TAFA2: variants seen among roughly 807,000 people sequenced by gnomAD.
TAFA2 encodes the protein chemokine-like protein TAFA-2.
In TAFA2, 7 loss-of-function variants were observed where a neutral mutation model predicts 18.8. The ratio of observed to expected loss-of-function variants is 0.37; its 90% confidence interval spans 0.21 to 0.70. TAFA2 has a LOEUF of 0.70. Ranked by LOEUF, TAFA2 falls within the 30% of genes least tolerant of loss-of-function variation. The pLI is 0.53. For synonymous variants in TAFA2, 60 were observed against 54.2 expected (o/e 1.11, Z -0.47); for missense variants, 122 against 158.1 (o/e 0.77, Z 1.23).
Position 61,828,312 on chromosome 12 carries a change from T to A in TAFA2, c.106+39008A>T, listed in dbSNP as rs75621814. Among the ~76,000 whole-genome samples the A allele has an allele frequency of 3.5e-3, 536 of 151,980 alleles. 2 individuals are homozygous for A. The highest frequency in any genetic ancestry group is 0.012 in the African/African-American group (485 of 41,528). ...ATTTTCTGATGACCAAAACGACCAT[T>A]TTGTTACTTGCTGTTTTGTTACAAA... is the stretch of plus-strand genomic sequence containing the variant. On this transcript the variant is annotated intron_variant, in intron 2 of 4. Transcript: ENST00000416284.
chr12:62,198,091 T>C (rs1293597151), intron 1 of TAFA2: 3 of 152,198 alleles, frequency 2.0e-5, no homozygotes, highest in African/African-American at 7.2e-5. Context: ...GGAGCACTTC[T>C]AGCTTTCTAC....
rs570733431 is a variant in TAFA2, at chr12:61,772,500, A to C, written c.107-17476T>G. Among the ~76,000 whole-genome samples, 36 of 152,056 alleles carry C rather than the reference A, an allele frequency of 2.4e-4. 1 individual carries two copies. Among genetic ancestry groups the C allele is most frequent in the African/African-American group, 8.7e-4 (36 of 41,554 alleles). ...TAACTGAATCCAACAGCATTATCAA[A>C]AAGATAATACACCATGATCAAGTGG... On this transcript the variant is annotated intron_variant, in intron 2 of 4. Coordinates refer to ENST00000416284, the MANE Select transcript of TAFA2 (RefSeq NM_178539.5).
rs868824336 is a variant in TAFA2 at position 62,114,826 on chromosome 12, C to T, written c.-2+76433G>A. Among the ~76,000 whole-genome samples, 5 of 152,152 alleles carry T rather than the reference C, an allele frequency of 3.3e-5. 1 individual carries two copies. The South Asian group carries it at 1.0e-3, about 31-fold the overall frequency. ...CCAGGCACATTTATACAAAGTCTCA[C>T]TATTATATTTGTACAGGTTGCTTTT... On this transcript the variant is annotated intron_variant, in intron 1 of 4. Coordinates refer to ENST00000416284, the MANE Select transcript of TAFA2 (RefSeq NM_178539.5).
intron 4 of TAFA2, among the ~76,000 whole-genome samples, chr12:61,734,366 G>C (rs1310902583): frequency 7.8e-6 from 1 of 128,434 alleles, no homozygotes; most frequent in Non-Finnish European, 1.6e-5. Flanking sequence ...GACGGTTGTG[G>C]GGTCGGGGGA....
intron 2 of TAFA2, among the ~76,000 whole-genome samples, chr12:61,844,900 G>GTA (rs375859801): frequency 4.2e-4 from 64 of 151,262 alleles, no homozygotes; most frequent in African/African-American, 8.5e-4. Flanking sequence ...TTGTGTGTGT[G>GTA]TATATATATA....
intron 1 of TAFA2, among the ~76,000 whole-genome samples, chr12:62,157,252 T>A (rs1328620160): frequency 6.6e-6 from 1 of 152,090 alleles, no homozygotes; most frequent in East Asian, 1.9e-4. Context: ...TATCAAAAAA[T>A]GATTTGGGAA....
At chr12:62,243,029 A>G (rs532175676) in intron 1 of TAFA2, among the ~76,000 whole-genome samples, 63 of 152,336 alleles carry the variant, frequency 4.1e-4, no homozygotes, top group Middle Eastern at 3.4e-3. Flanking sequence ...GTGTTTTACC[A>G]AATTGTTTGG....
At chr12:61,823,859 C>T (rs983765) in intron 2 of TAFA2, among the ~76,000 whole-genome samples, 16,778 of 152,066 alleles carry the variant, frequency 0.11, 1,126 homozygotes, top group East Asian at 0.19. Context: ...AGGAACCACA[C>T]ACCAAAAGTC....
At chr12:61,858,690 GA>G (rs1039066471) in intron 2 of TAFA2, among the ~76,000 whole-genome samples, 30 of 145,688 alleles carry the variant, frequency 2.1e-4, no homozygotes, top group East Asian at 1.4e-3. Flanking sequence ...ACTGCTAAGT[GA>G]AAAAAAAAAG....
At chr12:62,147,330 A>ATATATATATATGTGTG (rs1565760157) in intron 1 of TAFA2, among the ~76,000 whole-genome samples, 4 of 20,864 alleles carry the variant, frequency 1.9e-4, no homozygotes, top group Non-Finnish European at 3.8e-4. Context: ...ATGTATGTAT[A>ATATATATATATGTGTG]TATATATATA....
chr12:62,072,893 T>A lies in TAFA2; in HGVS notation c.-2+118366A>T, dbSNP rs577660115. Among the ~76,000 whole-genome samples, 5 of 152,302 alleles carry A rather than the reference T, an allele frequency of 3.3e-5. No homozygotes were observed. In the South Asian group the frequency reaches 8.3e-4, roughly 25 times the overall value. On this transcript the variant is annotated intron_variant, in intron 1 of 4. Transcript: ENST00000416284. ...GATACCCTGATCAACTGAAAAAGTT[T>A]ACTTTAATCCTAGGATGACTTATTC... is the stretch of plus-strand genomic sequence containing the variant.
intron 2 of TAFA2, among the ~76,000 whole-genome samples, chr12:61,818,579 T>C (rs1172929796): frequency 6.6e-6 from 1 of 151,376 alleles, no homozygotes; most frequent in Non-Finnish European, 1.5e-5. Context: ...AGCCCTCCAA[T>C]GGAGCACCAC....
intron 1 of TAFA2, among the ~76,000 whole-genome samples, chr12:62,035,180 T>C (rs904686499): frequency 6.6e-6 from 1 of 152,200 alleles, no homozygotes; most frequent in African/African-American, 2.4e-5. Flanking sequence ...AGATACATTA[T>C]CTTACTTGAT....
chr12:62,130,599 C>T (rs1870642409), intron 1 of TAFA2, among the ~76,000 whole-genome samples: 1 of 151,928 alleles, frequency 6.6e-6, no homozygotes, highest in South Asian at 2.1e-4. Context: ...CTTTTCGTTT[C>T]ACTGGACATT....
At chr12:62,149,230 T>C (rs2062308656) in intron 1 of TAFA2, among the ~76,000 whole-genome samples, 1 of 152,232 alleles carries the variant, frequency 6.6e-6, no homozygotes, top group Non-Finnish European at 1.5e-5. Flanking sequence ...GGATAGGAAT[T>C]GGCTCTCGAG....
chr12:61,984,316 A>G (rs1239416756), intron 1 of TAFA2, among the ~76,000 whole-genome samples: 3 of 152,238 alleles, frequency 2.0e-5, no homozygotes, highest in Non-Finnish European at 4.4e-5. Context: ...TGGGGCTTAC[A>G]TTCATGCAAG....
intron 1 of TAFA2, among the ~76,000 whole-genome samples, chr12:61,935,486 A>T (rs1877724196): frequency 6.6e-6 from 1 of 152,210 alleles, no homozygotes; most frequent in Non-Finnish European, 1.5e-5. Context: ...CAGCAATTTC[A>T]AAGTCCATCC....
chr12:62,058,369 C>T (rs1022320139), intron 1 of TAFA2, among the ~76,000 whole-genome samples: 1 of 152,160 alleles, frequency 6.6e-6, no homozygotes, highest in African/African-American at 2.4e-5. Context: ...TCTCTCCTCC[C>T]ACAATTCTAA....
At chr12:61,753,415 A>C (rs1869111513) in intron 4 of TAFA2, among the ~76,000 whole-genome samples, 1 of 152,112 alleles carries the variant, frequency 6.6e-6, no homozygotes, top group Non-Finnish European at 1.5e-5. Context: ...ATAATATGAC[A>C]GTTGATGGTA....
Sources: gnomAD v4.1 joint callset for allele counts (sites outside exome capture counted in the v4.1 genomes callset) on GRCh38, gnomAD v4.1.1 for gene constraint, MANE v1.5 for transcripts, NCBI Gene and HGNC (gene_info 2026-07-23, HGNC 2026-07-21) for gene names.